The following TNRC6B variants were observed in gnomAD, a reference collection of about 807,000 sequenced individuals.
TNRC6B encodes trinucleotide repeat containing adaptor 6B.
Under a neutral mutation model 203.6 loss-of-function variants are expected in TNRC6B, and 52 were observed. The observed-to-expected ratio is 0.26, with a 90% CI of 0.20 to 0.32. The LOEUF (loss-of-function observed/expected upper bound fraction) is 0.32, where lower values mean the gene tolerates loss of function less well. Among genes scored for constraint, TNRC6B ranks in the 10% least tolerant of loss-of-function variants. TNRC6B has a pLI of 1.00. For missense variants in TNRC6B, 1,923 were observed against 2,286.2 expected (o/e 0.84, Z 3.24); for synonymous variants, 838 against 845.7 (o/e 0.99, Z 0.16).
intron 1 of TNRC6B, among the ~76,000 whole-genome samples, chr22:40,186,370 G>T (rs747187742): frequency 6.6e-6 from 1 of 151,988 alleles, no homozygotes; most frequent in Non-Finnish European, 1.5e-5. Context: ...GGAATCATTC[G>T]ATGGCGCCAG....
Position 40,246,028 on chromosome 22 carries a change from G to T in TNRC6B, c.19G>T (p.Glu7Ter). 1 of 1,539,990 alleles carries T rather than the reference G, an allele frequency of 6.5e-7. No homozygotes were observed. The highest frequency in any genetic ancestry group is 8.8e-7 in the Non-Finnish European group (1 of 1,141,118). The change falls in exon 2 of 23, where the codon GAA becomes TAA. Residue 7 changes from glutamate (E) to a stop codon, truncating the protein, a stop_gained. Coordinates refer to ENST00000454349, the MANE Select transcript of TNRC6B (RefSeq NM_001162501.2). LOFTEE classifies it high-confidence loss of function. MREKEQ[E>*]REEQLMEDKK... ...TTACTTTAATAGAGAGAAGGAGCAA[G>T]AAAGGGAAGAACAGTTAATGGAAGA...
At chr22:40,306,506 C>T (rs1287385513) in intron 15 of TNRC6B, among the ~76,000 whole-genome samples, 1 of 152,188 alleles carries the variant, frequency 6.6e-6, no homozygotes. Flanking sequence ...GGAATCCAAG[C>T]ACCTTGGCCT....
intron 19 of TNRC6B, among the ~76,000 whole-genome samples, 173 bp from the exon 20 acceptor site, chr22:40,315,110 G>A (rs1043883475): frequency 1.3e-5 from 2 of 151,980 alleles, no homozygotes; most frequent in African/African-American, 2.4e-5. Context: ...TTTTATGTTC[G>A]TTATGCTCTA....
chr22:40,192,801 C>T (rs992010582), intron 1 of TNRC6B, among the ~76,000 whole-genome samples: 1 of 152,130 alleles, frequency 6.6e-6, no homozygotes, highest in Non-Finnish European at 1.5e-5. Context: ...GGATGAACAG[C>T]AGGGGTAGAA....
chr22:40,312,401 C>G, intron 17 of TNRC6B, 104 bp from the exon 18 acceptor site: 1 of 1,124,884 alleles, frequency 8.9e-7, no homozygotes, highest in Non-Finnish European at 1.2e-6. Flanking sequence ...ACAATAAATT[C>G]AGTATTTATA....
chr22:40,311,148 G>A (rs2071174279), intron 17 of TNRC6B, among the ~76,000 whole-genome samples, 155 bp downstream of exon 17: 1 of 152,128 alleles, frequency 6.6e-6, no homozygotes, highest in Non-Finnish European at 1.5e-5. Context: ...GGCATGTGCT[G>A]TGGGAAGATA....
chr22:40,196,308 C>T (rs2069336746), intron 1 of TNRC6B, among the ~76,000 whole-genome samples: 1 of 150,558 alleles, frequency 6.6e-6, no homozygotes, highest in Admixed American at 6.6e-5. Context: ...ACCACCATGC[C>T]TGGCTAATTT....
chr22:40,059,933 C>T (rs1461834962), intron 1 of TNRC6B, among the ~76,000 whole-genome samples: 1 of 151,144 alleles, frequency 6.6e-6, no homozygotes, highest in Non-Finnish European at 1.5e-5. Context: ...AGCGATTCTC[C>T]TGCCTCAGCC....
intron 3 of TNRC6B, among the ~76,000 whole-genome samples, chr22:40,142,136 T>G (rs1441859579): frequency 6.6e-6 from 1 of 151,854 alleles, no homozygotes; most frequent in East Asian, 1.9e-4. Context: ...TATAGTTCAC[T>G]GAGCCTTGAA....
At chr22:40,223,122 TTC>T (rs1210424702) in intron 1 of TNRC6B, among the ~76,000 whole-genome samples, 1 of 151,626 alleles carries the variant, frequency 6.6e-6, no homozygotes, top group African/African-American at 2.4e-5. Context: ...TAGCATTTCC[TTC>T]TCTGACTCAG....
rs1190723447 is a variant in TNRC6B, at chr22:40,324,542, A to G, written c.*1301A>G. 1.3e-5 allele frequency: 2 copies of G among 152,652 alleles called. No individual in the cohort carries two copies. Among genetic ancestry groups the G allele is most frequent in the Admixed American group, 6.5e-5 (1 of 15,286 alleles). The allele number at this position is 152,652 out of a possible 1,614,324, so 9.5% of individuals were successfully genotyped here. A position where few individuals can be genotyped will look rare whatever the true frequency, so the allele number is the denominator to read the frequency against. On this transcript the variant is annotated 3_prime_UTR_variant, in exon 23 of 23. Coordinates refer to ENST00000454349, the MANE Select transcript of TNRC6B (RefSeq NM_001162501.2). Reference sequence around the variant, plus strand: ...TTTCATTTTATGAAAACAGAAAAGAATAAGTGGTGAGCAGCCTCCTGAAAG... The same window carrying G: ...TTTCATTTTATGAAAACAGAAAAGAGTAAGTGGTGAGCAGCCTCCTGAAAG...
rs1230722480 is a variant in TNRC6B at position 40,265,802 on chromosome 22, A to G, written c.1572A>G (p.Glu524=). The G allele has an allele frequency of 6.2e-7, 1 of 1,613,948 alleles. No homozygotes were observed. The highest frequency in any genetic ancestry group is 1.1e-5 in the South Asian group (1 of 91,076). The change falls in exon 5 of 23, where the codon GAA becomes GAG. Residue 524 remains glutamate, a synonymous_variant. Transcript: ENST00000454349. ...GGTCTGATGAGTTGAAAATTGGAGA[A>G]TGGAGTGGTCCAAACCAACCAAATT... ...PTGSDELKIG[E]WSGPNQPNSS...
At chr22:40,134,914 T>C (rs1402975460) in intron 3 of TNRC6B, among the ~76,000 whole-genome samples, 1 of 152,220 alleles carries the variant, frequency 6.6e-6, no homozygotes, top group Non-Finnish European at 1.5e-5. Flanking sequence ...TTTCTCATAA[T>C]TCTGTGTTTT....
Position 40,287,352 on chromosome 22 carries a change from A to G in TNRC6B, c.3708+1582A>G, listed in dbSNP as rs919395878. ...GCCCTTTAAGACCAGGGCTTAAAATATTTATTTGAAAAGATCAACTATAGA... is the reference window on the plus strand; with the variant it reads ...GCCCTTTAAGACCAGGGCTTAAAATGTTTATTTGAAAAGATCAACTATAGA... On this transcript the variant is annotated intron_variant, in intron 12 of 22. Coordinates refer to ENST00000454349, the MANE Select transcript of TNRC6B (RefSeq NM_001162501.2). Among the ~76,000 whole-genome samples, 7 of 152,176 alleles carry G rather than the reference A, an allele frequency of 4.6e-5. No homozygotes were observed. In the East Asian group the frequency reaches 5.8e-4, roughly 13 times the overall value.
At chr22:40,233,144 AAAAAAAAG>A (rs1048304937) in intron 1 of TNRC6B, among the ~76,000 whole-genome samples, 4 of 151,540 alleles carry the variant, frequency 2.6e-5, no homozygotes, top group African/African-American at 4.8e-5. Flanking sequence ...TTCCGTCTCA[AAAAAAAAG>A]AAAAAAAGAA....
At chr22:40,258,071 C>CTTTTTTTTT (rs56078653) in intron 3 of TNRC6B, among the ~76,000 whole-genome samples, 6 of 28,714 alleles carry the variant, frequency 2.1e-4, no homozygotes, top group African/African-American at 4.1e-4. Context: ...GATACACAGC[C>CTTTTTTTTT]TTTTTTTTTT....
At chr22:40,288,133 A>T (rs1313478483) in intron 12 of TNRC6B, among the ~76,000 whole-genome samples, 1 of 152,240 alleles carries the variant, frequency 6.6e-6, no homozygotes, top group Non-Finnish European at 1.5e-5. Context: ...AAAGAAAGGA[A>T]CTAGACAAGA....
chr22:40,236,493 G>T (rs187735735), intron 1 of TNRC6B, among the ~76,000 whole-genome samples: 3 of 152,228 alleles, frequency 2.0e-5, no homozygotes, highest in African/African-American at 4.8e-5. Context: ...CATAGTTCCC[G>T]TGTTGGGTGG....
rs1396521574 is a variant in TNRC6B, at chr22:40,273,479, C to T, written c.3020C>T (p.Ala1007Val). The T allele has an allele frequency of 6.2e-7, 1 of 1,609,132 alleles. No homozygotes were observed. Residue 1007 changes from alanine (A) to valine (V), a missense_variant, in exon 7 of 23, where the codon GCT becomes GTT. This residue lies in a region of TNRC6B where 599 missense variants were observed against 656.5 expected (regional missense o/e 0.91). Coordinates refer to ENST00000454349, the MANE Select transcript of TNRC6B (RefSeq NM_001162501.2). ...WGESDGPVTG[A>V]RHPSWEEEED... The stretch of plus-strand genomic sequence containing the variant: ...GAGAGTGACGGGCCAGTCACAGGAG[C>T]TCGCCATCCCAGCTGGGAAGAGGAG...
Sources: allele counts gnomAD v4.1 joint callset (sites outside exome capture counted in the v4.1 genomes callset), GRCh38; gene constraint gnomAD v4.1.1; regional missense constraint gnomAD v4.1.1; transcripts MANE v1.5; gene names NCBI Gene and HGNC (gene_info 2026-07-23, HGNC 2026-07-21).